Variants in CR1 observed in about 807,000 individuals in gnomAD.
The protein encoded by CR1 is complement receptor type 1.
CR1 carries 116 observed loss-of-function variants against 187.3 expected under a neutral mutation model. The observed-to-expected ratio is 0.62, with a 90% CI of 0.53 to 0.72. The LOEUF is 0.72. CR1 is among the 30% of genes least tolerant of loss of function. The pLI is 0.00. For missense variants in CR1, 1,731 were observed against 2,110.7 expected, an observed-to-expected ratio of 0.82 and a Z score of 3.52; for synonymous variants, 576 against 747.1, an observed-to-expected ratio of 0.77 and a Z score of 3.73.
chr1:207,605,405 A>C (rs2102378328), intron 35 of CR1, among the ~76,000 whole-genome samples: 1 of 152,072 alleles, frequency 6.6e-6, no homozygotes, highest in East Asian at 1.9e-4. Context: ...CATGTTAATT[A>C]GCTTAATTTA....
intron 46 of CR1, among the ~76,000 whole-genome samples, chr1:207,633,576 A>C (rs1662716914): frequency 6.6e-6 from 1 of 152,170 alleles, no homozygotes; most frequent in Non-Finnish European, 1.5e-5. Context: ...TTCTTCAAAC[A>C]TTCTTAGCCA....
chr1:207,568,151 C>A, intron 25 of CR1, 109 bp downstream of exon 25: 2 of 1,581,488 alleles, frequency 1.3e-6, no homozygotes. Flanking sequence ...GCATTTGCCA[C>A]AATGGAATGC....
intron 27 of CR1, among the ~76,000 whole-genome samples, chr1:207,572,890 G>C (rs1288254661): frequency 1.3e-5 from 2 of 150,032 alleles, no homozygotes; most frequent in Non-Finnish European, 3.0e-5. Context: ...TCTTCCCTCT[G>C]GGTCTGTGTC....
In CR1 at chr1:207,612,023, C is replaced by T. The variant is rs779766301; in HGVS notation, c.6557C>T (p.Ser2186Phe). The part of the protein sequence containing the change: ...PLNLQLGAKV[S>F]FVCDEGFRLK... ...AATCTCCAGCTTGGGGCAAAGGTGT[C>T]CTTTGTTTGCGATGAAGGGTGAGTG... is the stretch of plus-strand genomic sequence containing the variant. The change falls in exon 39 of 47, where the codon TCC (serine) becomes TTC (phenylalanine). Residue 2186 changes from serine to phenylalanine, a missense_variant. By Grantham distance (155) the Ser-to-Phe change is radical. Coordinates refer to ENST00000367049, the MANE Select transcript of CR1 (RefSeq NM_000651.6). 11 of 1,613,872 alleles carry T rather than the reference C, an allele frequency of 6.8e-6. No individual in the cohort carries two copies. Among genetic ancestry groups the T allele is most frequent in the African/African-American group, 1.3e-5 (1 of 74,910 alleles).
At position 207,496,318 on chromosome 1, in the gene CR1, C is replaced by T. The variant is rs765951976; in HGVS notation, c.51C>T (p.Pro17=). 1 of 1,613,494 alleles carries T rather than the reference C, an allele frequency of 6.2e-7. No homozygotes were observed. The highest frequency in any genetic ancestry group is 8.5e-7 in the Non-Finnish European group (1 of 1,179,830). ...RSPEPVGPPA[P]GLPFCCGGSL... ...CGGAGCCTGTCGGGCCGCCGGCGCC[C>T]GGTCTCCCCTTCTGCTGCGGAGGAT... is the stretch of plus-strand genomic sequence containing the variant. The change falls in exon 1 of 47, where the codon CCC becomes CCT. Residue 17 remains proline, a synonymous_variant. Transcript: ENST00000367049.
At chr1:207,603,974 T>C (rs1436373530) in intron 35 of CR1, among the ~76,000 whole-genome samples, 2 of 152,182 alleles carry the variant, frequency 1.3e-5, no homozygotes, top group Non-Finnish European at 2.9e-5. Flanking sequence ...ATTTTAAGCC[T>C]TTCAGTACAT....
rs758403037 is a variant in CR1 at position 207,588,763 on chromosome 1, T to G, written c.5799T>G (p.Ser1933=). The change falls in exon 35 of 47, where the codon TCT becomes TCG. Residue 1933 remains serine, a synonymous_variant. Coordinates refer to ENST00000367049, the MANE Select transcript of CR1 (RefSeq NM_000651.6). ...AGTTTGGATCAACAGTTAATTATTC[T>G]TGTAATGAAGGGTGAGTTGAGAATA... ...DTQFGSTVNY[S]CNEGFRLIGS... 6.2e-6 allele frequency: 10 copies of G among 1,606,836 alleles called. No homozygotes were observed. The Admixed American group carries it at 1.7e-4, about 27-fold the overall frequency.
chr1:207,515,178 C>CCT (rs200965804), intron 4 of CR1, among the ~76,000 whole-genome samples: 1 of 136,438 alleles, frequency 7.3e-6, no homozygotes, highest in South Asian at 2.2e-4. Context: ...TAGGTATATA[C>CCT]ATATATACGT....
chr1:207,623,911 C>CTTTTTTTTTT (rs71154830), intron 45 of CR1, among the ~76,000 whole-genome samples: 2 of 52,452 alleles, frequency 3.8e-5, no homozygotes, highest in African/African-American at 1.4e-4. Flanking sequence ...ACACCATTAA[C>CTTTTTTTTTT]TTTTTTTTTT....
chr1:207,607,354 T>C lies in CR1; in HGVS notation c.5896+18T>C, dbSNP rs1192315555. 2.5e-6 allele frequency: 4 copies of C among 1,575,054 alleles called. No homozygotes were observed. The highest frequency in any genetic ancestry group is 3.5e-6 in the Non-Finnish European group (4 of 1,144,658). On this transcript the variant is annotated intron_variant, in intron 36 of 46. Transcript: ENST00000367049. The stretch of plus-strand genomic sequence containing the variant: ...TTGTGAGAGTAAGTTGAAATACTTT[T>C]CTCCACAAATTCCTCTGTGTGATCC...
chr1:207,568,145 T>G, intron 25 of CR1, 103 bp downstream of exon 25: 1 of 1,596,836 alleles, frequency 6.3e-7, no homozygotes, highest in South Asian at 1.1e-5. Context: ...ATGTATGCAT[T>G]TGCCACAATG....
intron 45 of CR1, among the ~76,000 whole-genome samples, chr1:207,628,989 G>C (rs1320791114): frequency 6.6e-6 from 1 of 152,044 alleles, no homozygotes; most frequent in Non-Finnish European, 1.5e-5. Flanking sequence ...TCACTGCCTT[G>C]TTATTTCACT....
chr1:207,615,115 T>G (rs1336683126), intron 40 of CR1, among the ~76,000 whole-genome samples: 1 of 152,174 alleles, frequency 6.6e-6, no homozygotes, highest in Non-Finnish European at 1.5e-5. Flanking sequence ...AGCCAAATTT[T>G]TATGTTCTTT....
chr1:207,609,208 T>C, intron 36 of CR1, 82 bp from the exon 37 acceptor site: 2 of 1,254,804 alleles, frequency 1.6e-6, no homozygotes. Context: ...CATTGGATTA[T>C]TTGCATTTGG....
chr1:207,586,882 T>C (rs1259402616), intron 33 of CR1, among the ~76,000 whole-genome samples: 1 of 152,210 alleles, frequency 6.6e-6, no homozygotes, highest in Non-Finnish European at 1.5e-5. Flanking sequence ...TCCAAATAAG[T>C]TTCTATTCTG....
chr1:207,598,421 C>CTTTTTTTTTTTTTT (rs11392366), intron 35 of CR1, among the ~76,000 whole-genome samples: 1 of 148,608 alleles, frequency 6.7e-6, no homozygotes, highest in Non-Finnish European at 1.5e-5. Context: ...AAGACAAGAA[C>CTTTTTTTTTTTTTT]TTTTTTTTTT....
chr1:207,641,733 G>T lies in CR1; in HGVS notation c.*2324G>T, dbSNP rs1321968866. The stretch of plus-strand genomic sequence containing the variant: ...TTTTCTGTCTCTACCATTGTAATGA[G>T]AAAGGAATAAAATACTTTATTTTGC... On this transcript the variant is annotated 3_prime_UTR_variant, in exon 47 of 47. Coordinates refer to ENST00000367049, the MANE Select transcript of CR1 (RefSeq NM_000651.6). The T allele has an allele frequency of 1.3e-5, 2 of 152,108 alleles. No individual in the cohort carries two copies. Among genetic ancestry groups the T allele is most frequent in the East Asian group, 3.9e-4 (2 of 5,194 alleles). 9.4% of individuals were successfully genotyped at this position (152,108 alleles called of 1,614,324 possible).
At chr1:207,513,637 A>T (rs1454411965) in intron 4 of CR1, among the ~76,000 whole-genome samples, 1 of 152,154 alleles carries the variant, frequency 6.6e-6, no homozygotes, top group Non-Finnish European at 1.5e-5. Flanking sequence ...TTAATTCCAA[A>T]TTGGCCTGGT....
intron 35 of CR1, among the ~76,000 whole-genome samples, chr1:207,592,330 C>T (rs1028813348): frequency 1.3e-5 from 2 of 152,164 alleles, no homozygotes; most frequent in African/African-American, 4.8e-5. Flanking sequence ...ATTAACAGAA[C>T]CAATGATAAA....
Sources: gnomAD v4.1 joint callset for allele counts (sites outside exome capture counted in the v4.1 genomes callset) on GRCh38, gnomAD v4.1.1 for gene constraint, MANE v1.5 for transcripts, NCBI Gene and HGNC (gene_info 2026-07-23, HGNC 2026-07-21) for gene names.